The following DYNC1H1 variants were observed in gnomAD, a reference collection of about 807,000 sequenced individuals.
DYNC1H1 encodes the protein cytoplasmic dynein 1 heavy chain 1.
A neutral mutation model predicts 527.1 loss-of-function variants in DYNC1H1; 51 were observed. The ratio of observed to expected loss-of-function variants is 0.10; its 90% CI spans 0.08 to 0.12. DYNC1H1 has a LOEUF of 0.12. DYNC1H1 is among the 10% of genes least tolerant of loss of function. The probability of loss-of-function intolerance (pLI) is 1.00; values close to 1 mark genes in which losing one functional copy is unlikely to be tolerated. For missense variants in DYNC1H1, 2,771 were observed against 5,971.8 expected, an observed-to-expected ratio of 0.46 and a Z score of 17.66; for synonymous variants, 2,189 against 2,278.8, an observed-to-expected ratio of 0.96 and a Z score of 1.12.
In DYNC1H1 at chr14:102,017,343, C is replaced by A; in HGVS notation, c.8056-40C>A. 6.2e-7 allele frequency: 1 copy of A among 1,614,196 alleles called. No individual in the cohort carries two copies. The highest frequency in any genetic ancestry group is 8.5e-7 in the Non-Finnish European group (1 of 1,180,036). On this transcript the variant is annotated intron_variant, in intron 39 of 77. Transcript: ENST00000360184. The surrounding 1 kb of genome is among the most constrained non-coding windows in gnomAD (Gnocchi z 4.6). ...TTCCTGCCCCACAATGTTTCTTGTT[C>A]AAGTTTTGCTCTTAATGTGGTACCT...
chr14:101,984,153 T>C (rs978002618), intron 7 of DYNC1H1, among the ~76,000 whole-genome samples: 1 of 151,766 alleles, frequency 6.6e-6, no homozygotes, highest in Non-Finnish European at 1.5e-5. Context: ...TGTGTGTGTG[T>C]GTTGGCGGGA....
chr14:101,982,448 C>T (rs1474193690), intron 5 of DYNC1H1, among the ~76,000 whole-genome samples: 1 of 151,812 alleles, frequency 6.6e-6, no homozygotes, highest in Non-Finnish European at 1.5e-5. Context: ...AAAAATTAGC[C>T]GGGCGTGGTG....
chr14:101,996,954 T>G lies in DYNC1H1; in HGVS notation c.3565-81T>G, dbSNP rs1337969535. 1.9e-6 allele frequency: 3 copies of G among 1,543,296 alleles called. No homozygotes were observed. The African/African-American group carries it at 4.1e-5, about 21-fold the overall frequency. On this transcript the variant is annotated intron_variant, in intron 15 of 77. Coordinates refer to ENST00000360184, the MANE Select transcript of DYNC1H1 (RefSeq NM_001376.5). Reference sequence around the variant, plus strand: ...ACGTGTTTTATAACTATAAAGTGCCTTCTCTTTCATGGGGCTCTAATTAAT... The same window carrying G: ...ACGTGTTTTATAACTATAAAGTGCCGTCTCTTTCATGGGGCTCTAATTAAT...
In DYNC1H1 at chr14:101,987,473, T is replaced by A; in HGVS notation, c.2559T>A (p.Ile853=). 2 of 1,614,144 alleles carry A rather than the reference T, an allele frequency of 1.2e-6. No homozygotes were observed. The highest frequency in any genetic ancestry group is 1.7e-6 in the Non-Finnish European group (2 of 1,180,018). ...TTCAGGTGGATGATCTGCTGATCAT[T>A]GAAGAAAAAATAGACCTAGAAGTCC... is the stretch of plus-strand genomic sequence containing the variant. ...FQEKVDDLLI[I]EEKIDLEVRS... Residue 853 remains isoleucine (I), a synonymous_variant, in exon 9 of 78, where the codon ATT becomes ATA. Coordinates refer to ENST00000360184, the MANE Select transcript of DYNC1H1 (RefSeq NM_001376.5).
rs200705447 is a variant in DYNC1H1 at position 101,986,461 on chromosome 14, C to T, written c.2236C>T (p.Leu746=). 6.2e-7 allele frequency: 1 copy of T among 1,614,068 alleles called. No individual in the cohort carries two copies. Among genetic ancestry groups the T allele is most frequent in the Non-Finnish European group, 8.5e-7 (1 of 1,180,038 alleles). ...KVNFLPEIIT[L]SKEVRNLKWL... Reference sequence around the variant, plus strand: ...TAACTTTCTTCCTGAGATTATCACACTATCCAAAGAAGTCCGGAACCTCAA... The same window carrying T: ...TAACTTTCTTCCTGAGATTATCACATTATCCAAAGAAGTCCGGAACCTCAA... Residue 746 remains leucine (L), a synonymous_variant, in exon 8 of 78, where the codon CTA becomes TTA. Coordinates refer to ENST00000360184, the MANE Select transcript of DYNC1H1 (RefSeq NM_001376.5). The surrounding 1 kb of genome is among the most constrained non-coding windows in gnomAD (Gnocchi z 8.7).
chr14:102,034,282 T>C (rs912593761), intron 55 of DYNC1H1, 43 bp from the exon 56 acceptor site: 1 of 1,614,136 alleles, frequency 6.2e-7, no homozygotes, highest in Non-Finnish European at 8.5e-7. Flanking sequence ...CAGTCCCATC[T>C]GTGGCTGTGA....
rs1595615114 is a variant in DYNC1H1, at chr14:102,012,015, C to T, written c.6759C>T (p.Ile2253=). 6.2e-7 allele frequency: 1 copy of T among 1,614,088 alleles called. No individual in the cohort carries two copies. The highest frequency in any genetic ancestry group is 8.5e-7 in the Non-Finnish European group (1 of 1,180,032). The change falls in exon 33 of 78, where the codon ATC becomes ATT. Residue 2253 remains isoleucine (I), a synonymous_variant. Coordinates refer to ENST00000360184, the MANE Select transcript of DYNC1H1 (RefSeq NM_001376.5). The surrounding 1 kb of genome is among the most constrained non-coding windows in gnomAD (Gnocchi z 4.9). ...RLEGVEGVAH[I]IDPKAISKDH... is the part of the protein sequence containing the mutation. ...AGGGTGTGGAAGGTGTGGCCCATAT[C>T]ATCGACCCCAAGGCCATCAGCAAAG...
At position 102,042,547 on chromosome 14, in the gene DYNC1H1, G is replaced by A. The variant is rs914882291; in HGVS notation, c.12399+40G>A. On this transcript the variant is annotated intron_variant, in intron 68 of 77. Transcript: ENST00000360184. This position sits in a 1 kb window ranked among gnomAD's most constrained non-coding sequence, Gnocchi z 5.7. ...GAGTGGAGACGTTGCAGGCTGGCCT[G>A]GCACTGTGCTGTCGGCACGTGTGTG... The A allele has an allele frequency of 6.2e-7, 1 of 1,613,940 alleles. No individual in the cohort carries two copies. The highest frequency in any genetic ancestry group is 1.6e-4 in the Middle Eastern group (1 of 6,062).
chr14:101,968,403 C>T (rs934873464), intron 1 of DYNC1H1, among the ~76,000 whole-genome samples: 1 of 151,862 alleles, frequency 6.6e-6, no homozygotes, highest in African/African-American at 2.4e-5. Flanking sequence ...AGTTCATTTT[C>T]TCATTTTTTT....
chr14:101,984,180 G>A (rs1350450734), intron 7 of DYNC1H1, among the ~76,000 whole-genome samples: 1 of 149,956 alleles, frequency 6.7e-6, no homozygotes, highest in Non-Finnish European at 1.5e-5. Context: ...TGTAGAGGAG[G>A]GGTCTCACCA....
chr14:102,044,237 C>G lies in DYNC1H1; in HGVS notation c.12685-37C>G. Reference sequence around the variant, plus strand: ...AAGGAAGCCCCGGGCCTGCCCGCCTCTGACCACACACACGAACCCTGCTTT... The same window carrying G: ...AAGGAAGCCCCGGGCCTGCCCGCCTGTGACCACACACACGAACCCTGCTTT... On this transcript the variant is annotated intron_variant, in intron 70 of 77. Coordinates refer to ENST00000360184, the MANE Select transcript of DYNC1H1 (RefSeq NM_001376.5). The surrounding 1 kb of genome is among the most constrained non-coding windows in gnomAD (Gnocchi z 7.1). 1 of 1,612,334 alleles carries G rather than the reference C, an allele frequency of 6.2e-7. No individual in the cohort carries two copies. Among genetic ancestry groups the G allele is most frequent in the East Asian group, 2.2e-5 (1 of 44,862 alleles).
In DYNC1H1 at chr14:102,001,880, T is replaced by A. The variant is rs2048134624; in HGVS notation, c.4542+199T>A. Among the ~76,000 whole-genome samples the A allele has an allele frequency of 6.6e-6, 1 of 152,144 alleles. No individual in the cohort carries two copies. Among genetic ancestry groups the A allele is most frequent in the Non-Finnish European group, 1.5e-5 (1 of 68,018 alleles). ...GCCTTGACTTCCTGGGCTCAAGTGA[T>A]CTTCCCACCTCAGCCTCCAGGTAGC... On this transcript the variant is annotated intron_variant, in intron 21 of 77. Transcript: ENST00000360184. This position sits in a 1 kb window ranked among gnomAD's most constrained non-coding sequence, Gnocchi z 5.0.
At chr14:101,989,512 C>T (rs1166094828) in intron 10 of DYNC1H1, among the ~76,000 whole-genome samples, 1 of 152,174 alleles carries the variant, frequency 6.6e-6, no homozygotes, top group Non-Finnish European at 1.5e-5. Flanking sequence ...CTATCTGCTG[C>T]TATTGGTGGT....
chr14:102,048,102 A>G (rs2152600297), intron 73 of DYNC1H1, 74 bp downstream of exon 73: 1 of 1,518,874 alleles, frequency 6.6e-7, no homozygotes, highest in Non-Finnish European at 8.9e-7. Context: ...CCATTGTTCC[A>G]TGGACCATTG....
In DYNC1H1 at chr14:102,049,307, G is replaced by C; in HGVS notation, c.13373-133G>C. On this transcript the variant is annotated intron_variant, in intron 74 of 77. Transcript: ENST00000360184. The surrounding 1 kb of genome is among the most constrained non-coding windows in gnomAD (Gnocchi z 5.5). ...GCGCCAGGGGCATAAAGTGCAGCCT[G>C]GGAAAGGCAGTAGGTGGAGCCGCCA... 7.5e-7 allele frequency: 1 copy of C among 1,328,140 alleles called. No homozygotes were observed. The highest frequency in any genetic ancestry group is 1.1e-6 in the Non-Finnish European group (1 of 951,508). 82.3% of individuals were successfully genotyped at this position (1,328,140 alleles called of 1,614,324 possible). A position where few individuals can be genotyped will look rare whatever the true frequency, so the allele number is the denominator to read the frequency against.
Position 102,049,588 on chromosome 14 carries a change from G to A in DYNC1H1, c.13515+6G>A, listed in dbSNP as rs1373649162. 6.2e-7 allele frequency: 1 copy of A among 1,613,992 alleles called. No individual in the cohort carries two copies. The highest frequency in any genetic ancestry group is 1.7e-5 in the Admixed American group (1 of 60,030). ...GTGGCGCCAAGGAGCTAAAGGTGAAGGCGCTCCTGACGAGTCTCGGGTGGT... is the reference window on the plus strand; with the variant it reads ...GTGGCGCCAAGGAGCTAAAGGTGAAAGCGCTCCTGACGAGTCTCGGGTGGT... On this transcript the variant is annotated splice_donor_region_variant and intron_variant, in intron 75 of 77. Transcript: ENST00000360184. This position sits in a 1 kb window ranked among gnomAD's most constrained non-coding sequence, Gnocchi z 5.5.
At chr14:102,024,198 C>T (rs1845829638) in intron 43 of DYNC1H1, among the ~76,000 whole-genome samples, 1 of 152,338 alleles carries the variant, frequency 6.6e-6, no homozygotes, top group East Asian at 1.9e-4. Context: ...TTGTGAATAA[C>T]TTGTGTGAAA....
rs547968657 is a variant in DYNC1H1, at chr14:102,028,036, C to G, written c.9363C>G (p.Ile3121Met). The G allele has an allele frequency of 1.2e-6, 2 of 1,614,146 alleles. No individual in the cohort carries two copies. The highest frequency in any genetic ancestry group is 1.1e-5 in the South Asian group (1 of 91,084). Reference sequence around the variant, plus strand: ...TGGATCTGGAGAAGCCAAATTACATCGTGCCTGATTACATGCCAGTTGTGT... The same window carrying G: ...TGGATCTGGAGAAGCCAAATTACATGGTGCCTGATTACATGCCAGTTGTGT... ...SKMDLEKPNY[I>M]VPDYMPVVYD... The change falls in exon 48 of 78, where the codon ATC (isoleucine) becomes ATG (methionine). Residue 3121 changes from isoleucine (I) to methionine (M), a missense_variant. Around this residue, in one of 32 missense-constraint regions of DYNC1H1, gnomAD observed 67 missense variants for 128.2 expected, o/e 0.52. Transcript: ENST00000360184.
chr14:102,042,454 C>T lies in DYNC1H1; in HGVS notation c.12346C>T (p.Leu4116=), dbSNP rs2048663658. ...GCAGCTGGAGAAGAAGTTGCATTCC[C>T]TGCAGCCGCATGCCTGCTTCCGACT... ...LMQLEKKLHS[L]QPHACFRLFL... is the part of the protein sequence containing the mutation. Residue 4116 remains leucine, a synonymous_variant, in exon 68 of 78, where the codon CTG becomes TTG. Coordinates refer to ENST00000360184, the MANE Select transcript of DYNC1H1 (RefSeq NM_001376.5). The surrounding 1 kb of genome is among the most constrained non-coding windows in gnomAD (Gnocchi z 5.7). 1 of 1,613,994 alleles carries T rather than the reference C, an allele frequency of 6.2e-7. No individual in the cohort carries two copies. The highest frequency in any genetic ancestry group is 1.7e-5 in the Admixed American group (1 of 59,990).
Sources: allele counts gnomAD v4.1 joint callset (sites outside exome capture counted in the v4.1 genomes callset), GRCh38; gene constraint gnomAD v4.1.1; regional missense constraint gnomAD v4.1.1; non-coding constraint Gnocchi (gnomAD v3.1); transcripts MANE v1.5; gene names NCBI Gene and HGNC (gene_info 2026-07-23, HGNC 2026-07-21).